The following PRKAA1 variants were observed in gnomAD, a reference collection of about 807,000 sequenced individuals.
The protein encoded by PRKAA1 is 5'-AMP-activated protein kinase catalytic subunit alpha-1.
A neutral mutation model predicts 56.9 loss-of-function variants in PRKAA1; 23 were observed. The observed-to-expected ratio is 0.40, with a 90% CI of 0.29 to 0.57. The LOEUF is 0.57. Ranked by LOEUF, PRKAA1 falls within the 20% of genes least tolerant of loss-of-function variation. PRKAA1 has a pLI of 0.39. For missense variants in PRKAA1, 413 were observed against 679.7 expected, an observed-to-expected ratio of 0.61 and a Z score of 4.36; for synonymous variants, 226 against 227.0, an observed-to-expected ratio of 1.00 and a Z score of 0.04.
At chr5:40,766,431 T>A (rs755864498) in intron 6 of PRKAA1, among the ~76,000 whole-genome samples, 2 of 152,192 alleles carry the variant, frequency 1.3e-5, no homozygotes, top group African/African-American at 2.4e-5. Context: ...GCAATAAAAT[T>A]GTTTAAGTCT....
chr5:40,768,940 A>G (rs1380604366), intron 5 of PRKAA1: 2 of 1,509,728 alleles, frequency 1.3e-6, no homozygotes, highest in African/African-American at 2.8e-5. Context: ...TGCAGTCTCT[A>G]AAAGGTTTAA....
rs560703387 is a variant in PRKAA1, at chr5:40,786,026, G to A, written c.128-8440C>T. 5.3e-5 allele frequency among the ~76,000 whole-genome samples: 8 copies of A among 152,088 alleles called. No individual in the cohort carries two copies. In the East Asian group the frequency reaches 1.4e-3, roughly 26 times the overall value. ...TCCCAGCACTTTGGGAGGCCGAGGC[G>A]GGGAGATCACCTGAGGTCAGGAGTT... On this transcript the variant is annotated intron_variant, in intron 1 of 8. Transcript: ENST00000397128.
At chr5:40,763,747 G>C (rs1743297530) in intron 8 of PRKAA1, among the ~76,000 whole-genome samples, 1 of 152,132 alleles carries the variant, frequency 6.6e-6, no homozygotes, top group Non-Finnish European at 1.5e-5. Context: ...GTATATGTTA[G>C]CAGATACGTA....
chr5:40,775,265 C>T, intron 3 of PRKAA1, 145 bp downstream of exon 3: 2 of 712,892 alleles, frequency 2.8e-6, no homozygotes, highest in Non-Finnish European at 4.9e-6. Flanking sequence ...TCTAGTTCTA[C>T]ATAGTTTATG....
At position 40,781,479 on chromosome 5, in the gene PRKAA1, A is replaced by G. The variant is rs115559204; in HGVS notation, c.128-3893T>C. ...TAAGAGAATCTCAAAATGGTGAAGCAAAGTCACAGTAACATATGGAGAAGG... is the reference window on the plus strand; with the variant it reads ...TAAGAGAATCTCAAAATGGTGAAGCGAAGTCACAGTAACATATGGAGAAGG... On this transcript the variant is annotated intron_variant, in intron 1 of 8. Transcript: ENST00000397128. Among the ~76,000 whole-genome samples the G allele has an allele frequency of 7.7e-3, 1,171 of 152,316 alleles. 11 individuals carry two copies. The highest frequency in any genetic ancestry group is 0.025 in the African/African-American group (1,056 of 41,572).
At chr5:40,784,651 C>A (rs1374482729) in intron 1 of PRKAA1, among the ~76,000 whole-genome samples, 1 of 152,134 alleles carries the variant, frequency 6.6e-6, no homozygotes, top group Non-Finnish European at 1.5e-5. Context: ...AGTTCCTTTA[C>A]AATACATAAT....
At chr5:40,772,748 C>A (rs772132578) in intron 3 of PRKAA1, among the ~76,000 whole-genome samples, 1 of 152,112 alleles carries the variant, frequency 6.6e-6, no homozygotes, top group Admixed American at 6.5e-5. Flanking sequence ...AATCCTCCCA[C>A]CCCAGCCTCC....
chr5:40,777,328 C>T (rs538967113), intron 2 of PRKAA1, 117 bp downstream of exon 2: 50 of 1,242,330 alleles, frequency 4.0e-5, no homozygotes, highest in Admixed American at 1.9e-4. Context: ...AGAAACTTTT[C>T]AAAACCCTTA....
chr5:40,798,294 G>A lies in PRKAA1; in HGVS notation c.-105C>T. ...AGCCACCGAGCCGAGTCACCGCCCTGCGCCGCCAGCCCAGGCCCCGCAGCC... is the reference window on the plus strand; with the variant it reads ...AGCCACCGAGCCGAGTCACCGCCCTACGCCGCCAGCCCAGGCCCCGCAGCC... On this transcript the variant is annotated 5_prime_UTR_variant, in exon 1 of 9. Transcript: ENST00000397128. 2 of 655,530 alleles carry A rather than the reference G, an allele frequency of 3.1e-6. No homozygotes were observed. Among genetic ancestry groups the A allele is most frequent in the East Asian group, 4.1e-5 (1 of 24,106 alleles). 40.6% of individuals were successfully genotyped at this position (655,530 alleles called of 1,614,324 possible).
chr5:40,774,673 A>G (rs1318042169), intron 3 of PRKAA1, among the ~76,000 whole-genome samples: 1 of 151,284 alleles, frequency 6.6e-6, no homozygotes, highest in East Asian at 2.0e-4. Flanking sequence ...TTTGATTTTG[A>G]TAAAAGTAAA....
Position 40,770,595 on chromosome 5 carries a change from C to CTT in PRKAA1, c.509-1094_509-1093dup, listed in dbSNP as rs750590564. ...ATAGGAAATACAGAAAAAATAAATT[C>CTT]TTTTTTTTTTTTTTTTTTTTTGAGA... On this transcript the variant is annotated intron_variant, in intron 4 of 8. Transcript: ENST00000397128. 4.5e-3 allele frequency among the ~76,000 whole-genome samples: 500 copies of CTT among 111,836 alleles called. 5 individuals are homozygous for CTT. The highest frequency in any genetic ancestry group is 6.9e-3 in the African/African-American group (223 of 32,146). The allele number at this position is 111,836 out of a possible 152,430, so 73.4% of individuals were successfully genotyped here.
intron 1 of PRKAA1, among the ~76,000 whole-genome samples, chr5:40,795,248 G>T (rs1463378185): frequency 6.6e-6 from 1 of 152,032 alleles, no homozygotes; most frequent in Non-Finnish European, 1.5e-5. Flanking sequence ...GGGAAGAGTG[G>T]GAGAGGGGTG....
In PRKAA1 at chr5:40,764,566, C is replaced by T; in HGVS notation, c.1383G>A (p.Gln461=). ...VTSTYSKMSL[Q]LYQVDSRTYL... ...AAGTTCTACTATCCACTTGGTATAACTGTAGACTCATTTTGGAGTAAGTGC... is the reference window on the plus strand; with the variant it reads ...AAGTTCTACTATCCACTTGGTATAATTGTAGACTCATTTTGGAGTAAGTGC... Residue 461 remains glutamine, a synonymous_variant, in exon 8 of 9, where the codon CAG becomes CAA. Coordinates refer to ENST00000397128, the MANE Select transcript of PRKAA1 (RefSeq NM_006251.6). 6.2e-7 allele frequency: 1 copy of T among 1,613,270 alleles called. No individual in the cohort carries two copies. Among genetic ancestry groups the T allele is most frequent in the Non-Finnish European group, 8.5e-7 (1 of 1,179,528 alleles).
In PRKAA1 at chr5:40,764,542, A is replaced by G; in HGVS notation, c.1407T>C (p.Thr469=). 6.2e-7 allele frequency: 1 copy of G among 1,611,810 alleles called. No individual in the cohort carries two copies. The highest frequency in any genetic ancestry group is 8.5e-7 in the Non-Finnish European group (1 of 1,178,690). ...SLQLYQVDSR[T]YLLDFRSIDD... Reference sequence around the variant, plus strand: ...CAATACTACGGAAATCCAGTAGATAAGTTCTACTATCCACTTGGTATAACT... The same window carrying G: ...CAATACTACGGAAATCCAGTAGATAGGTTCTACTATCCACTTGGTATAACT... The change falls in exon 8 of 9, where the codon ACT becomes ACC. Residue 469 remains threonine, a synonymous_variant. Coordinates refer to ENST00000397128, the MANE Select transcript of PRKAA1 (RefSeq NM_006251.6).
In PRKAA1 at chr5:40,764,247, CA is replaced by C. The variant is rs1220694365; in HGVS notation, c.1435+266del. 9 of 235,986 alleles carry C rather than the reference CA, an allele frequency of 3.8e-5. No homozygotes were observed. The Admixed American group carries it at 4.9e-4, about 13-fold the overall frequency. 14.6% of individuals were successfully genotyped at this position (235,986 alleles called of 1,614,324 possible). A position where few individuals can be genotyped will look rare whatever the true frequency, so the allele number is the denominator to read the frequency against. ...ATGAACTACACCAAAAAAACAAATG[CA>C]GCAGAAAACTATCACCTTAGGATCA... On this transcript the variant is annotated intron_variant, in intron 8 of 8. Transcript: ENST00000397128.
intron 1 of PRKAA1, among the ~76,000 whole-genome samples, chr5:40,784,722 G>GGGT (rs1332909298): frequency 6.6e-6 from 1 of 152,046 alleles, no homozygotes; most frequent in Non-Finnish European, 1.5e-5. Context: ...CAAACATACT[G>GGGT]ACACACTCTC....
At chr5:40,767,090 C>CA (rs1743495041) in intron 6 of PRKAA1, among the ~76,000 whole-genome samples, 1 of 152,100 alleles carries the variant, frequency 6.6e-6, no homozygotes, top group Admixed American at 6.6e-5. Context: ...AGGCTGGTCT[C>CA]AAACTCCTGA....
rs1436481923 is a variant in PRKAA1 at position 40,761,466 on chromosome 5, C to G, written c.*1312G>C. The G allele has an allele frequency of 6.6e-6, 1 of 152,098 alleles. No homozygotes were observed. Among genetic ancestry groups the G allele is most frequent in the African/African-American group, 2.4e-5 (1 of 41,424 alleles). 9.4% of individuals were successfully genotyped at this position (152,098 alleles called of 1,614,324 possible). A position where few individuals can be genotyped will look rare whatever the true frequency, so the allele number is the denominator to read the frequency against. On this transcript the variant is annotated 3_prime_UTR_variant, in exon 9 of 9. Coordinates refer to ENST00000397128, the MANE Select transcript of PRKAA1 (RefSeq NM_006251.6). The stretch of plus-strand genomic sequence containing the variant: ...CACATATATGCATATATATGCATAA[C>G]TAGCTGTATCTATACATATATAGGT...
chr5:40,793,075 A>G (rs1015075899), intron 1 of PRKAA1, among the ~76,000 whole-genome samples: 4 of 152,078 alleles, frequency 2.6e-5, no homozygotes, highest in African/African-American at 9.7e-5. Context: ...CTCAAAAAAA[A>G]AAAAAGAAAA....
Sources: allele counts gnomAD v4.1 joint callset (sites outside exome capture counted in the v4.1 genomes callset), GRCh38; gene constraint gnomAD v4.1.1; transcripts MANE v1.5; gene names NCBI Gene and HGNC (gene_info 2026-07-23, HGNC 2026-07-21).